Variants in SNED1 observed in about 807,000 individuals in gnomAD.
The protein encoded by SNED1 is sushi, nidogen and EGF-like domain-containing protein 1.
SNED1 carries 81 observed loss-of-function variants against 166.7 expected under a neutral mutation model. The observed-to-expected ratio is 0.49, with a 90% confidence interval of 0.41 to 0.58. SNED1 has a LOEUF of 0.58. Ranked by LOEUF, SNED1 falls within the 20% of genes least tolerant of loss-of-function variation. SNED1 has a pLI of 0.00. For missense variants in SNED1, 1,604 were observed against 2,000.2 expected, an observed-to-expected ratio of 0.80 and a Z score of 3.78; for synonymous variants, 762 against 822.0, an observed-to-expected ratio of 0.93 and a Z score of 1.25.
At chr2:241,011,085 GGGTCTCCTGGGGGTGGCA>G (rs1559215988) in intron 1 of SNED1, among the ~76,000 whole-genome samples, 4 of 149,652 alleles carry the variant, frequency 2.7e-5, no homozygotes, top group Admixed American at 6.6e-5. Context: ...TGGGTCTCCT[GGGTCTCCTGGGGGTGGCA>G]GGTCTCCTGG....
intron 1 of SNED1, among the ~76,000 whole-genome samples, chr2:241,014,861 C>T (rs1042567462): frequency 2.6e-5 from 4 of 152,058 alleles, no homozygotes; most frequent in African/African-American, 9.7e-5. Flanking sequence ...GGTAGAGTCA[C>T]GCAGGTTCCA....
At position 241,075,262 on chromosome 2, in the gene SNED1, G is replaced by A. The variant is rs1311290606; in HGVS notation, c.3916+1898G>A. The A allele has an allele frequency of 1.3e-5, 2 of 152,208 alleles. No homozygotes were observed. Among genetic ancestry groups the A allele is most frequent in the Admixed American group, 6.5e-5 (1 of 15,286 alleles). The allele number at this position is 152,208 out of a possible 1,614,324, so 9.4% of individuals were successfully genotyped here. ...GGAGTGGAAAAGCTGGATCTAGGAT[G>A]AGGATGTGTGAATGCCCAAATTACA... On this transcript the variant is annotated intron_variant, in intron 27 of 31. Coordinates refer to ENST00000310397, the MANE Select transcript of SNED1 (RefSeq NM_001080437.3). This position sits in a 1 kb window ranked among gnomAD's most constrained non-coding sequence, Gnocchi z 4.8.
intron 21 of SNED1, 121 bp downstream of exon 21, chr2:241,065,716 ACAG>A: frequency 3.4e-6 from 3 of 872,534 alleles, no homozygotes; most frequent in Non-Finnish European, 5.3e-6. Flanking sequence ...CAGCAGCAAG[ACAG>A]ACAGCTGAGC....
intron 21 of SNED1, 37 bp from the exon 22 acceptor site, chr2:241,067,727 A>G (rs2062520929): frequency 9.0e-6 from 14 of 1,556,656 alleles, no homozygotes; most frequent in Non-Finnish European, 1.2e-5. Context: ...AGGAGCAAGG[A>G]GGGGCCGGCA....
At chr2:241,012,459 G>A (rs942892792) in intron 1 of SNED1, among the ~76,000 whole-genome samples, 16 of 152,196 alleles carry the variant, frequency 1.1e-4, no homozygotes, top group African/African-American at 3.9e-4. Context: ...TCTCACACTC[G>A]CCTTTTTCCC....
intron 21 of SNED1, among the ~76,000 whole-genome samples, chr2:241,066,391 C>T (rs540566556): frequency 1.6e-4 from 25 of 152,272 alleles, no homozygotes; most frequent in Admixed American, 3.9e-4. Context: ...GGGGCAGGGC[C>T]GGAAGAAAGC....
intron 1 of SNED1, among the ~76,000 whole-genome samples, chr2:241,017,056 G>A (rs956518022): frequency 3.9e-5 from 6 of 151,918 alleles, no homozygotes; most frequent in African/African-American, 1.4e-4. Context: ...TCTCCATGTT[G>A]GTCAGGCTGG....
intron 8 of SNED1, among the ~76,000 whole-genome samples, chr2:241,044,078 A>G (rs1166318256): frequency 6.6e-6 from 1 of 152,222 alleles, no homozygotes; most frequent in Non-Finnish European, 1.5e-5. Context: ...CAGCTAATAA[A>G]CCAATTGTGG....
Position 241,037,270 on chromosome 2 carries a change from A to G in SNED1, c.962A>G (p.Gln321Arg), listed in dbSNP as rs2061405917. 1 of 1,611,570 alleles carries G rather than the reference A, an allele frequency of 6.2e-7. No individual in the cohort carries two copies. Among genetic ancestry groups the G allele is most frequent in the Non-Finnish European group, 8.5e-7 (1 of 1,179,172 alleles). ...AACGAATGTGCCTCCCAGCCCTGTC[A>G]GAATGGTGGGACCTGTACTCACGGC... ...DVNECASQPC[Q>R]NGGTCTHGIN... Residue 321 changes from glutamine to arginine, a missense_variant, in exon 6 of 32, where the codon CAG (glutamine) becomes CGG (arginine). Gln to Arg is a conservative substitution (Grantham distance 43, BLOSUM62 1). Coordinates refer to ENST00000310397, the MANE Select transcript of SNED1 (RefSeq NM_001080437.3).
intron 2 of SNED1, among the ~76,000 whole-genome samples, chr2:241,031,199 C>G (rs2061158244): frequency 6.6e-6 from 1 of 152,026 alleles, no homozygotes; most frequent in African/African-American, 2.4e-5. Flanking sequence ...GCGTCTTGCT[C>G]TGTCGCCCAG....
At position 241,030,289 on chromosome 2, in the gene SNED1, C is replaced by T; in HGVS notation, c.219C>T (p.Asn73=). Residue 73 remains asparagine (N), a synonymous_variant, in exon 2 of 32, where the codon AAC becomes AAT. Transcript: ENST00000310397. ...FGAEHSGLYV[N]NNGIISFLKE... is the part of the protein sequence containing the mutation. ...TCTGGCTTTCTGCCTCCCAGGTGAA[C>T]AACAACGGGATCATCTCCTTCCTGA... 6.3e-7 allele frequency: 1 copy of T among 1,581,086 alleles called. No homozygotes were observed.
At chr2:241,007,329 C>G (rs975828727) in intron 1 of SNED1, among the ~76,000 whole-genome samples, 2 of 152,238 alleles carry the variant, frequency 1.3e-5, no homozygotes, top group African/African-American at 4.8e-5. Flanking sequence ...CAGCTCCCCA[C>G]AGAAACTTGG....
At chr2:241,048,528 C>A in intron 9 of SNED1, 88 bp downstream of exon 9, 1 of 1,510,326 alleles carries the variant, frequency 6.6e-7, no homozygotes. Flanking sequence ...AGGAAACGCC[C>A]CGAAAAGAAA....
chr2:241,003,266 T>C lies in SNED1; in HGVS notation c.213+4216T>C, dbSNP rs1026893173. Among the ~76,000 whole-genome samples the C allele has an allele frequency of 7.2e-5, 11 of 152,114 alleles. No individual in the cohort carries two copies. In the East Asian group the frequency reaches 2.1e-3, roughly 29 times the overall value. ...GCACCCCATGAAGGCAGGGACCACA[T>C]CCATCCTCATGCCACCATTCTGGTG... On this transcript the variant is annotated intron_variant, in intron 1 of 31. Coordinates refer to ENST00000310397, the MANE Select transcript of SNED1 (RefSeq NM_001080437.3).
chr2:241,071,611 G>A lies in SNED1; in HGVS notation c.3625G>A (p.Gly1209Arg), dbSNP rs1433008764. The change falls in exon 25 of 32, where the codon GGA becomes AGA. Residue 1209 changes from glycine (G) to arginine (R), a missense_variant. Around this residue, in one of 2 missense-constraint regions of SNED1, gnomAD observed 367 missense variants for 379.4 expected, o/e 0.97. Coordinates refer to ENST00000310397, the MANE Select transcript of SNED1 (RefSeq NM_001080437.3). ...RDGADRRWHQ[G>R]GHHPRVLKNR... is the part of the protein sequence containing the mutation. ...TGGCGCTGACAGACGCTGGCACCAG[G>A]GAGGACACCACCCTCGGGTGCTCAA... 1 of 1,588,072 alleles carries A rather than the reference G, an allele frequency of 6.3e-7. No individual in the cohort carries two copies. Among genetic ancestry groups the A allele is most frequent in the Non-Finnish European group, 8.5e-7 (1 of 1,174,434 alleles).
intron 1 of SNED1, among the ~76,000 whole-genome samples, chr2:241,005,574 C>A (rs953360577): frequency 6.6e-6 from 1 of 152,016 alleles, no homozygotes; most frequent in African/African-American, 2.4e-5. Flanking sequence ...TAGTGTAGAC[C>A]TGCTGGCATA....
chr2:241,083,626 G>A (rs372786844), intron 29 of SNED1, among the ~76,000 whole-genome samples: 5 of 152,278 alleles, frequency 3.3e-5, no homozygotes, highest in Admixed American at 2.6e-4. Context: ...GTGAGAGTCC[G>A]AATCCACAGT....
intron 30 of SNED1, chr2:241,087,853 G>T (rs372676709): frequency 5.1e-5 from 25 of 487,122 alleles, no homozygotes; most frequent in Middle Eastern, 5.4e-4. Flanking sequence ...TTCCACAAAG[G>T]GTTCAAGGTA....
intron 1 of SNED1, among the ~76,000 whole-genome samples, chr2:241,025,943 A>T (rs1178739084): frequency 7.0e-6 from 1 of 143,300 alleles, no homozygotes; most frequent in Non-Finnish European, 1.5e-5. Flanking sequence ...AAAAATGAAG[A>T]TTGTCTCCTT....
Sources: gnomAD v4.1 joint callset for allele counts (sites outside exome capture counted in the v4.1 genomes callset) on GRCh38, gnomAD v4.1.1 for gene constraint, gnomAD v4.1.1 regional missense constraint, Gnocchi (gnomAD v3.1) non-coding constraint, MANE v1.5 for transcripts, NCBI Gene and HGNC (gene_info 2026-07-23, HGNC 2026-07-21) for gene names.